The following CORIN variants were observed in gnomAD, a reference collection of about 807,000 sequenced individuals.
The protein encoded by CORIN is corin, serine peptidase.
In CORIN, 117 loss-of-function variants were observed where a neutral mutation model predicts 125.3. The observed-to-expected ratio is 0.93, with a 90% CI of 0.80 to 1.09. The LOEUF (loss-of-function observed/expected upper bound fraction) is 1.09, where lower values mean the gene tolerates loss of function less well. Among genes scored for constraint, CORIN ranks in the 50% least tolerant of loss-of-function variants. The probability of loss-of-function intolerance (pLI) is 0.00; values close to 1 mark genes in which losing one functional copy is unlikely to be tolerated. For synonymous variants in CORIN, 450 were observed against 466.4 expected (o/e 0.96, Z 0.45); for missense variants, 1,253 against 1,306.7 (o/e 0.96, Z 0.63).
At position 47,594,944 on chromosome 4, in the gene CORIN, A is replaced by G. The variant is rs546377271; in HGVS notation, c.*777T>C. On this transcript the variant is annotated 3_prime_UTR_variant, in exon 22 of 22. Coordinates refer to ENST00000273857, the MANE Select transcript of CORIN (RefSeq NM_006587.4). ...ATATACATCCAGAATGGGGGGTCCAATAATGTCAAGTGTTAATATTGATAT... is the reference window on the plus strand; with the variant it reads ...ATATACATCCAGAATGGGGGGTCCAGTAATGTCAAGTGTTAATATTGATAT... 6.6e-6 allele frequency: 1 copy of G among 152,342 alleles called. No homozygotes were observed. The highest frequency in any genetic ancestry group is 1.9e-4 in the East Asian group (1 of 5,192). 9.4% of individuals were successfully genotyped at this position (152,342 alleles called of 1,614,324 possible).
In CORIN at chr4:47,788,498, A is replaced by C. The variant is rs1022669920; in HGVS notation, c.209-1573T>G. On this transcript the variant is annotated intron_variant, in intron 2 of 21. Coordinates refer to ENST00000273857, the MANE Select transcript of CORIN (RefSeq NM_006587.4). Reference sequence around the variant, plus strand: ...GTGATCATGAGTAAAAGTCAAATGCAGTAGGTAAAATGAAGGAATTCATTT... The same window carrying C: ...GTGATCATGAGTAAAAGTCAAATGCCGTAGGTAAAATGAAGGAATTCATTT... 3.3e-5 allele frequency among the ~76,000 whole-genome samples: 5 copies of C among 152,296 alleles called. No individual in the cohort carries two copies. The East Asian group carries it at 5.8e-4, about 18-fold the overall frequency.
At chr4:47,617,072 A>C (rs978263175) in intron 19 of CORIN, among the ~76,000 whole-genome samples, 2 of 152,186 alleles carry the variant, frequency 1.3e-5, no homozygotes, top group African/African-American at 4.8e-5. Flanking sequence ...ACATGATGGC[A>C]TCTATTTTAT....
intron 5 of CORIN, among the ~76,000 whole-genome samples, chr4:47,733,263 GAC>G (rs1300606471): frequency 6.6e-6 from 1 of 152,226 alleles, no homozygotes; most frequent in Admixed American, 6.5e-5. Context: ...GGGCTTGAGA[GAC>G]ATGCTCAGCG....
At position 47,837,880 on chromosome 4, in the gene CORIN, ATCTTACCGGCTTTGGGGACCCGGCTC is replaced by A; in HGVS notation, c.44_63+6del. 6.2e-7 allele frequency: 1 copy of A among 1,612,996 alleles called. No homozygotes were observed. The highest frequency in any genetic ancestry group is 8.5e-7 in the Non-Finnish European group (1 of 1,179,298). On this transcript the variant is annotated splice_donor_variant and splice_donor_5th_base_variant and coding_sequence_variant and intron_variant, in exon 1 of 22. Transcript: ENST00000273857. LOFTEE classifies it high-confidence loss of function. Reference sequence around the variant, plus strand: ...GCTGCGGTAGGACAGCGAATCATCGATCTTACCGGCTTTGGGGACCCGGCTCTGCGGCAGCGCTCTTCCGGAGCGAG... The same window carrying A: ...GCTGCGGTAGGACAGCGAATCATCGATGCGGCAGCGCTCTTCCGGAGCGAG...
chr4:47,780,733 G>A (rs1472675934), intron 3 of CORIN, among the ~76,000 whole-genome samples: 2 of 152,224 alleles, frequency 1.3e-5, no homozygotes, highest in East Asian at 3.9e-4. Context: ...GGATTCTATT[G>A]AATGTTTGAA....
chr4:47,824,229 G>A (rs1009623468), intron 1 of CORIN, among the ~76,000 whole-genome samples: 2 of 149,908 alleles, frequency 1.3e-5, no homozygotes, highest in Non-Finnish European at 3.0e-5. Flanking sequence ...ATATTGTTAG[G>A]AATATATGTT....
intron 2 of CORIN, among the ~76,000 whole-genome samples, chr4:47,793,093 G>A (rs1259323748): frequency 6.6e-6 from 1 of 152,012 alleles, no homozygotes; most frequent in African/African-American, 2.4e-5. Flanking sequence ...ACATTCAGGG[G>A]GGAAAAAGCC....
intron 6 of CORIN, 40 bp downstream of exon 6, chr4:47,692,930 C>T (rs762816183): frequency 9.1e-6 from 13 of 1,433,482 alleles, no homozygotes; most frequent in East Asian, 2.3e-5. Flanking sequence ...TTTGAGAATC[C>T]CTGTCCACTC....
chr4:47,799,315 C>G (rs1157805501), intron 2 of CORIN, among the ~76,000 whole-genome samples: 1 of 152,078 alleles, frequency 6.6e-6, no homozygotes, highest in African/African-American at 2.4e-5. Context: ...ACTGCTGGGT[C>G]AAATGGTAGT....
intron 3 of CORIN, among the ~76,000 whole-genome samples, chr4:47,768,271 T>C (rs989297715): frequency 6.6e-6 from 1 of 152,200 alleles, no homozygotes; most frequent in Non-Finnish European, 1.5e-5. Context: ...GAAACAGCCT[T>C]GTTGCTCACA....
intron 5 of CORIN, among the ~76,000 whole-genome samples, chr4:47,709,497 G>T (rs1431413639): frequency 6.6e-6 from 1 of 151,906 alleles, no homozygotes; most frequent in Non-Finnish European, 1.5e-5. Flanking sequence ...TTGCCATGTT[G>T]CCCAGGCTAG....
At position 47,767,564 on chromosome 4, in the gene CORIN, T is replaced by A. The variant is rs189606278; in HGVS notation, c.410-3978A>T. 6.5e-3 allele frequency among the ~76,000 whole-genome samples: 995 copies of A among 152,206 alleles called. 9 individuals carry two copies. The highest frequency in any genetic ancestry group is 0.023 in the African/African-American group (959 of 41,524). ...CTTCAGAGTAAAGTGCCCATGTAAT[T>A]TATCATCCTACCTGAGAAAATTTAA... On this transcript the variant is annotated intron_variant, in intron 3 of 21. Transcript: ENST00000273857.
At chr4:47,728,575 T>C (rs1727708720) in intron 5 of CORIN, among the ~76,000 whole-genome samples, 2 of 152,338 alleles carry the variant, frequency 1.3e-5, no homozygotes, top group South Asian at 4.1e-4. Flanking sequence ...TAATCAGAAC[T>C]GATTATTGAC....
intron 12 of CORIN, chr4:47,661,500 CT>C (rs1354936404): frequency 4.0e-6 from 2 of 496,798 alleles, no homozygotes; most frequent in African/African-American, 3.9e-5. Flanking sequence ...TAGAAAATGA[CT>C]TCTTTATTTT....
At chr4:47,739,192 C>T (rs943489493) in intron 5 of CORIN, among the ~76,000 whole-genome samples, 3 of 151,900 alleles carry the variant, frequency 2.0e-5, no homozygotes, top group African/African-American at 7.2e-5. Context: ...CATACATCTG[C>T]ATAACAAAGA....
At chr4:47,674,201 T>C (rs761201263) in intron 10 of CORIN, among the ~76,000 whole-genome samples, 192 bp downstream of exon 10, 1 of 152,230 alleles carries the variant, frequency 6.6e-6, no homozygotes, top group Non-Finnish European at 1.5e-5. Context: ...GACACATTTG[T>C]TTCTGATTGA....
chr4:47,837,871 G>A lies in CORIN; in HGVS notation c.63+16C>T, dbSNP rs367581748. ...TCACACCTGGCTGCGGTAGGACAGC[G>A]AATCATCGATCTTACCGGCTTTGGG... On this transcript the variant is annotated intron_variant, in intron 1 of 21. Coordinates refer to ENST00000273857, the MANE Select transcript of CORIN (RefSeq NM_006587.4). 44 of 1,609,686 alleles carry A rather than the reference G, an allele frequency of 2.7e-5. No homozygotes were observed. The African/African-American group carries it at 4.8e-4, about 18-fold the overall frequency.
chr4:47,702,160 C>A (rs895738460), intron 5 of CORIN, among the ~76,000 whole-genome samples: 1 of 152,086 alleles, frequency 6.6e-6, no homozygotes, highest in African/African-American at 2.4e-5. Flanking sequence ...ATTTTTGAGA[C>A]TTTCCTCCAA....
chr4:47,674,002 T>A (rs377051770), intron 10 of CORIN, among the ~76,000 whole-genome samples: 1 of 152,170 alleles, frequency 6.6e-6, no homozygotes, highest in East Asian at 1.9e-4. Flanking sequence ...CAAAGTTGTA[T>A]GTGGCTATTT....
Sources: allele counts gnomAD v4.1 joint callset (sites outside exome capture counted in the v4.1 genomes callset), GRCh38; gene constraint gnomAD v4.1.1; transcripts MANE v1.5; gene names NCBI Gene and HGNC (gene_info 2026-07-23, HGNC 2026-07-21).